TVP23C: variants seen among roughly 807,000 people sequenced by gnomAD.
The protein encoded by TVP23C is trans-golgi network vesicle protein 23 homolog C.
A neutral mutation model predicts 28.7 loss-of-function variants in TVP23C; 19 were observed. That is an observed-to-expected ratio of 0.66 (90% CI 0.46 to 0.97). The LOEUF is 0.97. Among genes scored for constraint, TVP23C ranks in the 50% least tolerant of loss-of-function variants. The pLI is 0.00. For synonymous variants in TVP23C, 68 were observed against 81.7 expected (o/e 0.83, Z 0.90); for missense variants, 186 against 241.3 (o/e 0.77, Z 1.52).
At chr17:15,502,989 T>G in exon 6 of TVP23C, 1 of 1,614,042 alleles carries the variant, frequency 6.2e-7, no homozygotes, top group Non-Finnish European at 8.5e-7. Context: ...GCGGGCGCCA[T>G]CTGTTGGCAG....
chr17:15,537,208 T>G lies in TVP23C; in HGVS notation c.*3204A>C, dbSNP rs1983191018. On this transcript the variant is annotated 3_prime_UTR_variant, in exon 6 of 6. Transcript: ENST00000518321. The stretch of plus-strand genomic sequence containing the variant: ...GTTTGTAGATTGGTTTAATTTACAG[T>G]TACATAGATTGCTTTAAGAAATACC... 4 of 447,926 alleles carry G rather than the reference T, an allele frequency of 8.9e-6. No homozygotes were observed. Among genetic ancestry groups the G allele is most frequent in the Middle Eastern group, 1.2e-3 (1 of 840 alleles). 27.7% of individuals were successfully genotyped at this position (447,926 alleles called of 1,614,324 possible). A position where few individuals can be genotyped will look rare whatever the true frequency, so the allele number is the denominator to read the frequency against.
At chr17:15,507,058 G>A (rs1015359339) in intron 5 of TVP23C, 21 of 1,256,444 alleles carry the variant, frequency 1.7e-5, no homozygotes, top group African/African-American at 7.4e-5. Context: ...GTGTCAGGGC[G>A]GTGACTTCAC....
intron 5 of TVP23C, chr17:15,503,400 G>A: frequency 1.2e-6 from 1 of 837,090 alleles, no homozygotes; most frequent in Non-Finnish European, 1.7e-6. Flanking sequence ...GCAAGACCAT[G>A]ATATTTCAAG....
intron 3 of TVP23C, among the ~76,000 whole-genome samples, chr17:15,548,713 T>C (rs1983755654): frequency 6.6e-6 from 1 of 152,232 alleles, no homozygotes; most frequent in Non-Finnish European, 1.5e-5. Flanking sequence ...TCATAAAGTA[T>C]AGTAGTCCTC....
At chr17:15,557,066 A>G (rs1984165290) in intron 1 of TVP23C, among the ~76,000 whole-genome samples, 1 of 148,154 alleles carries the variant, frequency 6.7e-6, no homozygotes, top group African/African-American at 2.4e-5. Context: ...GTCTCAGAAA[A>G]CTCTTCCCTT....
At chr17:15,526,539 T>C (rs1262942763) in intron 5 of TVP23C, among the ~76,000 whole-genome samples, 1 of 152,242 alleles carries the variant, frequency 6.6e-6, no homozygotes, top group Admixed American at 6.5e-5. Context: ...ATTGTACTTA[T>C]TTATTCAGCA....
At chr17:15,563,311 T>C (rs1488324659) in intron 1 of TVP23C, 126 bp downstream of exon 1, 31 of 1,491,828 alleles carry the variant, frequency 2.1e-5, no homozygotes, top group Non-Finnish European at 2.6e-5. Flanking sequence ...AGCCCTCCAC[T>C]CCCGGCCGCC....
intron 5 of TVP23C, among the ~76,000 whole-genome samples, chr17:15,513,480 G>A: frequency 6.6e-6 from 1 of 152,190 alleles, no homozygotes; most frequent in East Asian, 1.9e-4. Context: ...TGAGATGGGG[G>A]ATTGAACGTC....
intron 5 of TVP23C, chr17:15,503,338 G>C: frequency 7.3e-7 from 1 of 1,363,488 alleles, no homozygotes; most frequent in South Asian, 1.5e-5. Flanking sequence ...CCAGGAAGTC[G>C]AAGCTGCAAT....
Position 15,538,145 on chromosome 17 carries a change from T to C in TVP23C, c.*2267A>G, listed in dbSNP as rs778819720. 4 of 1,613,740 alleles carry C rather than the reference T, an allele frequency of 2.5e-6. No individual in the cohort carries two copies. The highest frequency in any genetic ancestry group is 3.4e-6 in the Non-Finnish European group (4 of 1,179,840). ...TCTCTATTCAGGAAGTCTGATCATC[T>C]CCAGTGTTCCGCAAAAGACAAAAAA... On this transcript the variant is annotated 3_prime_UTR_variant, in exon 6 of 6. Transcript: ENST00000518321.
chr17:15,507,407 G>A, intron 5 of TVP23C: 1 of 596,176 alleles, frequency 1.7e-6, no homozygotes, highest in Middle Eastern at 5.1e-4. Flanking sequence ...GTAGCTCAGA[G>A]AGAGCACCCT....
exon 6 of TVP23C, chr17:15,502,801 CTCTCTCTCCTCTCTCTCTCT>C (rs1365319169): frequency 1.2e-5 from 17 of 1,449,642 alleles, no homozygotes; most frequent in South Asian, 1.4e-5. Flanking sequence ...CTCCTCTCTC[CTCTCTCTCCTCTCTCTCTCT>C]CTCTCTCTCT....
intron 5 of TVP23C, among the ~76,000 whole-genome samples, chr17:15,527,630 G>C (rs940855023): frequency 1.3e-5 from 2 of 152,172 alleles, no homozygotes; most frequent in African/African-American, 4.8e-5. Flanking sequence ...CACCTCAAGA[G>C]GGTAAGTATT....
At chr17:15,510,198 T>C (rs984461586) in intron 5 of TVP23C, among the ~76,000 whole-genome samples, 3 of 151,964 alleles carry the variant, frequency 2.0e-5, no homozygotes, top group Non-Finnish European at 4.4e-5. Context: ...TAGTGAGGAG[T>C]TCCAGAGGAG....
chr17:15,540,701 A>T (rs1371478886), intron 5 of TVP23C, 140 bp from the exon 6 acceptor site: 2 of 606,856 alleles, frequency 3.3e-6, no homozygotes, highest in African/African-American at 3.7e-5. Flanking sequence ...GCCAGTTGAG[A>T]TTTTCCAGAG....
chr17:15,502,270 T>C (rs1981469985), exon 6 of TVP23C: 1 of 102,148 alleles, frequency 9.8e-6, no homozygotes, highest in Non-Finnish European at 1.9e-5. Context: ...CAAAAAAAGA[T>C]AAAAGATGAA....
At chr17:15,511,053 C>CAAAAAAA (rs58794054) in intron 5 of TVP23C, among the ~76,000 whole-genome samples, 15 of 83,342 alleles carry the variant, frequency 1.8e-4, no homozygotes, top group Non-Finnish European at 3.2e-4. Flanking sequence ...GACTTCGTCT[C>CAAAAAAA]AAAAAAAAAA....
chr17:15,560,255 G>T (rs1346098832), intron 1 of TVP23C, among the ~76,000 whole-genome samples: 1 of 148,914 alleles, frequency 6.7e-6, no homozygotes. Context: ...TAGTAGAGAC[G>T]GGGTTTCACC....
intron 5 of TVP23C, among the ~76,000 whole-genome samples, chr17:15,510,372 T>C (rs542596139): frequency 6.6e-6 from 1 of 152,142 alleles, no homozygotes; most frequent in Non-Finnish European, 1.5e-5. Context: ...AAGCGGCCAA[T>C]AAACATGAGA....
Sources: gnomAD v4.1 joint callset for allele counts (sites outside exome capture counted in the v4.1 genomes callset) on GRCh38, gnomAD v4.1.1 for gene constraint, MANE v1.5 for transcripts, NCBI Gene and HGNC (gene_info 2026-07-23, HGNC 2026-07-21) for gene names.